BACE1: variants seen among roughly 807,000 people sequenced by gnomAD.
The protein encoded by BACE1 is beta-secretase 1.
BACE1 carries 21 observed loss-of-function variants against 54.0 expected under a neutral mutation model. The ratio of observed to expected loss-of-function variants is 0.39; its 90% CI spans 0.28 to 0.56. The LOEUF is 0.56. BACE1 is among the 20% of genes least tolerant of loss of function. BACE1 has a pLI of 0.63. For synonymous variants in BACE1, 232 were observed against 260.9 expected, an observed-to-expected ratio of 0.89 and a Z score of 1.07; for missense variants, 511 against 661.2, an observed-to-expected ratio of 0.77 and a Z score of 2.49.
Position 117,296,918 on chromosome 11 carries a change from C to T in BACE1, c.305G>A (p.Gly102Asp). ...ATGCAGGAAGGGGTGGGGGGCAGCA[C>T]CCACTGCAAAGTTACTGCTGCCTGT... ...VDTGSSNFAV[G>D]AAPHPFLHRY... The change falls in exon 2 of 9, where the codon GGT becomes GAT. Residue 102 changes from glycine to aspartate, a missense_variant. By Grantham distance (94) the Gly-to-Asp change is moderately conservative. This residue lies in a region of BACE1 where 407 missense variants were observed against 565.7 expected (regional missense o/e 0.72). Transcript: ENST00000313005. 11 of 1,613,842 alleles carry T rather than the reference C, an allele frequency of 6.8e-6. No individual in the cohort carries two copies. The highest frequency in any genetic ancestry group is 9.3e-6 in the Non-Finnish European group (11 of 1,179,884).
At chr11:117,297,276 G>C (rs1177150410) in intron 1 of BACE1, 2 of 291,344 alleles carry the variant, frequency 6.9e-6, no homozygotes, top group African/African-American at 4.5e-5. Context: ...GGAAGTCAAA[G>C]AGATAGCCAG....
intron 5 of BACE1, chr11:117,292,131 C>T (rs1262082717): frequency 6.0e-6 from 1 of 167,294 alleles, no homozygotes. Flanking sequence ...CAGGTAGTCT[C>T]CAAACTTGAA....
chr11:117,294,988 G>C (rs766422058), intron 3 of BACE1, 143 bp downstream of exon 3: 14 of 835,204 alleles, frequency 1.7e-5, no homozygotes, highest in Non-Finnish European at 2.5e-5. Context: ...CTAAAATTTA[G>C]ACTGCCACCC....
At chr11:117,310,919 A>C (rs1160069774) in intron 1 of BACE1, among the ~76,000 whole-genome samples, 1 of 152,030 alleles carries the variant, frequency 6.6e-6, no homozygotes. Flanking sequence ...CTACCTGGCC[A>C]GTGGTTTAAC....
chr11:117,291,744 C>G lies in BACE1; in HGVS notation c.910G>C (p.Ala304Pro), dbSNP rs1342191689. The G allele has an allele frequency of 6.2e-6, 10 of 1,613,476 alleles. No individual in the cohort carries two copies. The highest frequency in any genetic ancestry group is 8.5e-6 in the Non-Finnish European group (10 of 1,179,626). ...GCTGCCTTGATGGATTTGACTGCAG[C>G]TTCAAACACTTTCTTGGGCAAACGA... ...NLRLPKKVFE[A>P]AVKSIKAASS... The change falls in exon 6 of 9, where the codon GCT (alanine) becomes CCT (proline). Residue 304 changes from alanine (A) to proline (P), a missense_variant. Coordinates refer to ENST00000313005, the MANE Select transcript of BACE1 (RefSeq NM_012104.6).
intron 1 of BACE1, among the ~76,000 whole-genome samples, chr11:117,301,299 A>G (rs1284149011): frequency 6.6e-6 from 1 of 152,208 alleles, no homozygotes; most frequent in East Asian, 1.9e-4. Context: ...TGCCTCAAAG[A>G]TACCTCAAGG....
chr11:117,309,491 G>A lies in BACE1; in HGVS notation c.261+6044C>T, dbSNP rs375916097. ...GTTTTGGCTGGGCGCGGTGGCTCACGCCTATAATCCCAGCACTTTGGGAGG... is the reference window on the plus strand; with the variant it reads ...GTTTTGGCTGGGCGCGGTGGCTCACACCTATAATCCCAGCACTTTGGGAGG... On this transcript the variant is annotated intron_variant, in intron 1 of 8. Coordinates refer to ENST00000313005, the MANE Select transcript of BACE1 (RefSeq NM_012104.6). 1.1e-3 allele frequency among the ~76,000 whole-genome samples: 163 copies of A among 152,178 alleles called. 3 individuals are homozygous for A. The highest frequency in any genetic ancestry group is 3.6e-3 in the African/African-American group (148 of 41,494).
intron 1 of BACE1, among the ~76,000 whole-genome samples, chr11:117,310,783 T>A (rs773418960): frequency 7.2e-5 from 11 of 152,120 alleles, no homozygotes; most frequent in Admixed American, 6.5e-4. Context: ...ACAAGTGTAG[T>A]AATGGAGATA....
intron 1 of BACE1, among the ~76,000 whole-genome samples, chr11:117,312,272 G>A (rs551311413): frequency 2.6e-5 from 4 of 152,244 alleles, no homozygotes; most frequent in Admixed American, 6.5e-5. Context: ...ATGGACATAC[G>A]TGTAACGTGC....
rs2034502426 is a variant in BACE1, at chr11:117,293,235, AGT to A, written c.706-49_706-48del. On this transcript the variant is annotated intron_variant, in intron 4 of 8. Coordinates refer to ENST00000313005, the MANE Select transcript of BACE1 (RefSeq NM_012104.6). The surrounding 1 kb of genome is among the most constrained non-coding windows in gnomAD (Gnocchi z 4.1). ...TACCCGTGTCCTGGCACAGAAGGAGAGTGAGTCCCCCAAGGACCAAGCAATAA... is the reference window on the plus strand; with the variant it reads ...TACCCGTGTCCTGGCACAGAAGGAGAGAGTCCCCCAAGGACCAAGCAATAA... 6.2e-7 allele frequency: 1 copy of A among 1,604,622 alleles called. No homozygotes were observed. Among genetic ancestry groups the A allele is most frequent in the South Asian group, 1.1e-5 (1 of 89,386 alleles).
rs2034511462 is a variant in BACE1, at chr11:117,293,444, AT to A, written c.706-257del. 5.9e-6 allele frequency: 2 copies of A among 340,714 alleles called. No homozygotes were observed. The highest frequency in any genetic ancestry group is 4.3e-5 in the African/African-American group (2 of 46,984). 21.1% of individuals were successfully genotyped at this position (340,714 alleles called of 1,614,324 possible). ...CAGCCCTTGATATAAAGTTATTTAA[AT>A]CTAAACTGCCACAATAAATGTTGAA... On this transcript the variant is annotated intron_variant, in intron 4 of 8. Transcript: ENST00000313005. The surrounding 1 kb of genome is among the most constrained non-coding windows in gnomAD (Gnocchi z 4.1).
In BACE1 at chr11:117,293,818, G is replaced by T; in HGVS notation, c.705+53C>A. 6.4e-7 allele frequency: 1 copy of T among 1,560,432 alleles called. No individual in the cohort carries two copies. The highest frequency in any genetic ancestry group is 8.7e-7 in the Non-Finnish European group (1 of 1,153,262). On this transcript the variant is annotated intron_variant, in intron 4 of 8. Coordinates refer to ENST00000313005, the MANE Select transcript of BACE1 (RefSeq NM_012104.6). This position sits in a 1 kb window ranked among gnomAD's most constrained non-coding sequence, Gnocchi z 4.1. ...TAGCTTTCAGGAAGGGGAGAGGATG[G>T]CACCCATCTCTCCCTCAATGCCAGG... is the stretch of plus-strand genomic sequence containing the variant.
chr11:117,289,932 G>T, intron 8 of BACE1, 125 bp from the exon 9 acceptor site: 1 of 853,120 alleles, frequency 1.2e-6, no homozygotes, highest in Non-Finnish European at 1.8e-6. Flanking sequence ...CTTCCCAGGA[G>T]ATATTTAGGA....
intron 6 of BACE1, 27 bp from the exon 7 acceptor site, chr11:117,291,076 T>C: frequency 6.2e-7 from 1 of 1,611,542 alleles, no homozygotes; most frequent in Non-Finnish European, 8.5e-7. Context: ...GGGATAACAA[T>C]GAGGAAAAGC....
At chr11:117,298,651 G>T (rs547102964) in intron 1 of BACE1, among the ~76,000 whole-genome samples, 1 of 152,336 alleles carries the variant, frequency 6.6e-6, no homozygotes, top group South Asian at 2.1e-4. Context: ...TGTCTCACAG[G>T]TGACACAGAC....
chr11:117,307,958 C>T (rs2034867588), intron 1 of BACE1, among the ~76,000 whole-genome samples: 1 of 142,048 alleles, frequency 7.0e-6, no homozygotes, highest in Non-Finnish European at 1.5e-5. Context: ...CTTTTTATTG[C>T]AAAAACTCTT....
intron 2 of BACE1, 77 bp downstream of exon 2, chr11:117,296,796 C>A: frequency 8.6e-7 from 1 of 1,157,624 alleles, no homozygotes; most frequent in Non-Finnish European, 1.3e-6. Context: ...CTCTTTCTCT[C>A]TGTACCCCTC....
At chr11:117,297,096 C>A in intron 1 of BACE1, 135 bp from the exon 2 acceptor site, 1 of 681,162 alleles carries the variant, frequency 1.5e-6, no homozygotes, top group South Asian at 1.8e-5. Context: ...CAGGACTGGT[C>A]CAGGCTGGCA....
intron 1 of BACE1, among the ~76,000 whole-genome samples, chr11:117,302,061 C>T (rs773701781): frequency 5.9e-5 from 9 of 152,154 alleles, no homozygotes; most frequent in Non-Finnish European, 1.2e-4. Context: ...TGGCCGGGTG[C>T]GGTGGCTCAC....
Sources: gnomAD v4.1 joint callset for allele counts (sites outside exome capture counted in the v4.1 genomes callset) on GRCh38, gnomAD v4.1.1 for gene constraint, gnomAD v4.1.1 regional missense constraint, Gnocchi (gnomAD v3.1) non-coding constraint, MANE v1.5 for transcripts, NCBI Gene and HGNC (gene_info 2026-07-23, HGNC 2026-07-21) for gene names.